The following LACC1 variants were observed in gnomAD, a reference collection of about 807,000 sequenced individuals.
LACC1 encodes laccase domain multifunctional purine nucleosidase 1, also known as purine nucleoside phosphorylase LACC1.
LACC1 carries 25 observed loss-of-function variants against 34.8 expected under a neutral mutation model. That is an observed-to-expected ratio of 0.72 (90% confidence interval 0.52 to 1.00). The LOEUF is 1.00. Ranked by LOEUF, LACC1 falls within the 50% of genes least tolerant of loss-of-function variation. LACC1 has a pLI of 0.00. For synonymous variants in LACC1, 162 were observed against 168.0 expected, an observed-to-expected ratio of 0.96 and a Z score of 0.28; for missense variants, 426 against 511.2, an observed-to-expected ratio of 0.83 and a Z score of 1.61.
Position 43,882,320 on chromosome 13 carries a change from C to T in LACC1, c.698C>T (p.Ala233Val), listed in dbSNP as rs750807129. ...VVVQENLRRLANAAGFNVEKF... is the reference protein window; with the variant it reads ...VVVQENLRRLVNAAGFNVEKF... ...GTTCAAGAAAATCTGCGTAGGTTGG[C>T]GAATGCTGCAGGATTTAATGTGGAG... Residue 233 changes from alanine (A) to valine (V), a missense_variant, in exon 3 of 7, where the codon GCG (alanine) becomes GTG (valine). This residue lies in a region of LACC1 where 209 missense variants were observed against 300.3 expected (regional missense o/e 0.70). Coordinates refer to ENST00000325686, the MANE Select transcript of LACC1 (RefSeq NM_153218.4). 1.7e-5 allele frequency: 28 copies of T among 1,613,102 alleles called. No homozygotes were observed. The highest frequency in any genetic ancestry group is 2.2e-5 in the Non-Finnish European group (26 of 1,179,694).
intron 2 of LACC1, 117 bp from the exon 3 acceptor site, chr13:43,882,068 G>A (rs1052808657): frequency 1.3e-5 from 9 of 697,642 alleles, no homozygotes; most frequent in African/African-American, 1.1e-4. Context: ...GGTACAAAAT[G>A]CCATAGAAAT....
At chr13:43,889,962 A>T (rs1955498054) in intron 5 of LACC1, 152 bp from the exon 6 acceptor site, 2 of 601,678 alleles carry the variant, frequency 3.3e-6, no homozygotes, top group South Asian at 5.0e-5. Context: ...TTCCCTGACT[A>T]GTCCATGTTC....
At chr13:43,884,162 A>G (rs1955204027) in intron 4 of LACC1, among the ~76,000 whole-genome samples, 1 of 152,186 alleles carries the variant, frequency 6.6e-6, no homozygotes, top group African/African-American at 2.4e-5. Context: ...ACCTAGGTTG[A>G]TTCCTGAGGA....
At chr13:43,890,044 T>G (rs1955503024) in intron 5 of LACC1, 70 bp from the exon 6 acceptor site, 1 of 1,363,290 alleles carries the variant, frequency 7.3e-7, no homozygotes, top group Non-Finnish European at 1.0e-6. Flanking sequence ...ACATCCATAC[T>G]TTTTTTCATA....
At position 43,890,095 on chromosome 13, in the gene LACC1, G is replaced by T; in HGVS notation, c.1134-19G>T. 5 of 1,584,296 alleles carry T rather than the reference G, an allele frequency of 3.2e-6. No homozygotes were observed. Among genetic ancestry groups the T allele is most frequent in the Admixed American group, 1.8e-5 (1 of 56,026 alleles). On this transcript the variant is annotated intron_variant, in intron 5 of 6. Coordinates refer to ENST00000325686, the MANE Select transcript of LACC1 (RefSeq NM_153218.4). Reference sequence around the variant, plus strand: ...GGAAAATAAACTCTTGCTCTCTTTTGAAAAATATTTTTCCTAAGGATTCTT... The same window carrying T: ...GGAAAATAAACTCTTGCTCTCTTTTTAAAAATATTTTTCCTAAGGATTCTT...
rs763054215 is a variant in LACC1 at position 43,881,356 on chromosome 13, C to A, written c.371C>A (p.Thr124Asn). 3 of 1,613,934 alleles carry A rather than the reference C, an allele frequency of 1.9e-6. No individual in the cohort carries two copies. The highest frequency in any genetic ancestry group is 2.5e-6 in the Non-Finnish European group (3 of 1,180,004). The part of the protein sequence containing the change: ...LMKAFIDQLF[T>N]DVYNFEFEDL... Reference sequence around the variant, plus strand: ...AAAGCTTTTATTGATCAACTCTTCACTGATGTTTACAATTTTGAATTTGAA... The same window carrying A: ...AAAGCTTTTATTGATCAACTCTTCAATGATGTTTACAATTTTGAATTTGAA... The change falls in exon 2 of 7, where the codon ACT becomes AAT. Residue 124 changes from threonine to asparagine, a missense_variant. This residue lies in a region of LACC1 where 217 missense variants were observed against 210.9 expected (regional missense o/e 1.03). Coordinates refer to ENST00000325686, the MANE Select transcript of LACC1 (RefSeq NM_153218.4).
chr13:43,881,188 G>T lies in LACC1; in HGVS notation c.203G>T (p.Gly68Val), dbSNP rs1333745721. 4.3e-6 allele frequency: 7 copies of T among 1,614,030 alleles called. No homozygotes were observed. Among genetic ancestry groups the T allele is most frequent in the Non-Finnish European group, 5.1e-6 (6 of 1,180,020 alleles). Residue 68 changes from glycine to valine, a missense_variant, in exon 2 of 7, where the codon GGA (glycine) becomes GTA (valine). By Grantham distance (109) the Gly-to-Val change is moderately radical (BLOSUM62 -3). Coordinates refer to ENST00000325686, the MANE Select transcript of LACC1 (RefSeq NM_153218.4). ...AATTGTGAAATAGAAACAAGCAATG[G>T]ATTATCAGCTCTCTTGGAAGAATTT... ...QDNCEIETSN[G>V]LSALLEEFEI... is the part of the protein sequence containing the mutation.
At chr13:43,891,390 C>T in intron 6 of LACC1, 59 bp from the exon 7 acceptor site, 1 of 837,476 alleles carries the variant, frequency 1.2e-6, no homozygotes, top group Non-Finnish European at 1.4e-6. Flanking sequence ...ATGACTCTTA[C>T]CTTGATATTC....
chr13:43,888,686 CT>C, intron 4 of LACC1, 70 bp from the exon 5 acceptor site: 2 of 1,160,128 alleles, frequency 1.7e-6, no homozygotes, highest in Non-Finnish European at 1.3e-6. Context: ...TCACTTTTAA[CT>C]TAGACATAAA....
chr13:43,882,833 G>A (rs9567299), intron 3 of LACC1, among the ~76,000 whole-genome samples: 78,613 of 151,862 alleles, frequency 0.52, 20,796 homozygotes, highest in East Asian at 0.67. Context: ...CAGTAAGAAA[G>A]ACAAATAAGA....
rs1955574701 is a variant in LACC1 at position 43,891,697 on chromosome 13, GT to G, written c.*253del. On this transcript the variant is annotated 3_prime_UTR_variant, in exon 7 of 7. Transcript: ENST00000325686. ...ATTATTCTTAAAGTTTGTTCTCCCT[GT>G]TTATTACACAGATCAGGAATAGATT... 1 of 323,366 alleles carries G rather than the reference GT, an allele frequency of 3.1e-6. No homozygotes were observed. The highest frequency in any genetic ancestry group is 1.2e-4 in the South Asian group (1 of 8,116). The allele number at this position is 323,366 out of a possible 1,614,324, so 20.0% of individuals were successfully genotyped here.
Position 43,882,308 on chromosome 13 carries a change from T to G in LACC1, c.686T>G (p.Leu229Arg). Residue 229 changes from leucine (L) to arginine (R), a missense_variant, in exon 3 of 7, where the codon CTG becomes CGG. Leu to Arg is a moderately radical substitution (Grantham distance 102). This residue lies in a region of LACC1 where 209 missense variants were observed against 300.3 expected (regional missense o/e 0.70). Transcript: ENST00000325686. ...CCCAAGGTAGTGGTTCAAGAAAATC[T>G]GCGTAGGTTGGCGAATGCTGCAGGA... is the stretch of plus-strand genomic sequence containing the variant. ...RDPKVVVQENLRRLANAAGFN... is the reference protein window; with the variant it reads ...RDPKVVVQENRRRLANAAGFN... 1 of 1,613,966 alleles carries G rather than the reference T, an allele frequency of 6.2e-7. No individual in the cohort carries two copies. Among genetic ancestry groups the G allele is most frequent in the Non-Finnish European group, 8.5e-7 (1 of 1,179,938 alleles).
chr13:43,886,258 A>G (rs1160580613), intron 4 of LACC1, among the ~76,000 whole-genome samples: 2 of 152,216 alleles, frequency 1.3e-5, no homozygotes, highest in African/African-American at 4.8e-5. Flanking sequence ...ATTACTGGGT[A>G]TATACCCAAA....
chr13:43,888,235 C>A (rs1955419653), intron 4 of LACC1, among the ~76,000 whole-genome samples: 1 of 152,060 alleles, frequency 6.6e-6, no homozygotes. Context: ...ATATGATATA[C>A]CTACAGTAAT....
chr13:43,891,429 G>T lies in LACC1; in HGVS notation c.*2-20G>T. 1 of 977,508 alleles carries T rather than the reference G, an allele frequency of 1.0e-6. No homozygotes were observed. Among genetic ancestry groups the T allele is most frequent in the African/African-American group, 1.8e-5 (1 of 57,138 alleles). The allele number at this position is 977,508 out of a possible 1,614,324, so 60.6% of individuals were successfully genotyped here. ...TAACACCAGTAAGCGTCTCATATTT[G>T]ATTTCTATGTATTTTACAGATACTT... is the stretch of plus-strand genomic sequence containing the variant. On this transcript the variant is annotated intron_variant, in intron 6 of 6. Coordinates refer to ENST00000325686, the MANE Select transcript of LACC1 (RefSeq NM_153218.4).
rs1955040458 is a variant in LACC1 at position 43,881,451 on chromosome 13, G to T, written c.466G>T (p.Glu156Ter). 1 of 1,613,862 alleles carries T rather than the reference G, an allele frequency of 6.2e-7. No homozygotes were observed. Among genetic ancestry groups the T allele is most frequent in the Non-Finnish European group, 8.5e-7 (1 of 1,179,978 alleles). Residue 156 changes from glutamate to a stop codon, truncating the protein, a stop_gained, in exon 2 of 7, where the codon GAA becomes TAA. Transcript: ENST00000325686. LOFTEE classifies it high-confidence loss of function. Reference sequence around the variant, plus strand: ...TGAAATAAACGTAATCACAGCTCAAGAACTAAGAGGAATTCAGAATGAAAT... The same window carrying T: ...TGAAATAAACGTAATCACAGCTCAATAACTAAGAGGAATTCAGAATGAAAT... ...SIEINVITAQELRGIQNEIET... is the reference protein window; with the variant it reads ...SIEINVITAQ
chr13:43,881,530 C>T lies in LACC1; in HGVS notation c.545C>T (p.Thr182Ile), dbSNP rs1314176738. The change falls in exon 2 of 7, where the codon ACT (threonine) becomes ATT (isoleucine). Residue 182 changes from threonine to isoleucine, a missense_variant. Transcript: ENST00000325686. The part of the protein sequence containing the change: ...PALRGKLTII[T>I]SSLIPDIFIH... ...CTGAGAGGAAAATTAACTATTATCA[C>T]TTCTTCTTTGATCCCAGGTATATTA... The T allele has an allele frequency of 1.9e-6, 3 of 1,601,462 alleles. No individual in the cohort carries two copies. Among genetic ancestry groups the T allele is most frequent in the Non-Finnish European group, 2.6e-6 (3 of 1,175,356 alleles).
intron 6 of LACC1, 145 bp from the exon 7 acceptor site, chr13:43,891,304 A>T (rs1167493064): frequency 4.7e-6 from 1 of 211,096 alleles, no homozygotes; most frequent in Non-Finnish European, 8.2e-6. Context: ...GGTTACTTCT[A>T]GCTGAATTAA....
At chr13:43,879,873 A>G (rs1347094411), upstream of LACC1, 1 of 151,334 alleles carries the variant, frequency 6.6e-6, no homozygotes, top group Non-Finnish European at 1.5e-5. Flanking sequence ...GGCCGAGCTT[A>G]CGACTCCAGC....
Sources: gnomAD v4.1 joint callset for allele counts (sites outside exome capture counted in the v4.1 genomes callset) on GRCh38, gnomAD v4.1.1 for gene constraint, gnomAD v4.1.1 regional missense constraint, MANE v1.5 for transcripts, NCBI Gene and HGNC (gene_info 2026-07-23, HGNC 2026-07-21) for gene names.